SCFD2: variants seen among roughly 807,000 people sequenced by gnomAD.
The protein encoded by SCFD2 is sec1 family domain-containing protein 2.
A neutral mutation model predicts 58.9 loss-of-function variants in SCFD2; 54 were observed. The observed-to-expected ratio is 0.92, with a 90% confidence interval of 0.74 to 1.15. The LOEUF (loss-of-function observed/expected upper bound fraction) is 1.15, where lower values mean the gene tolerates loss of function less well. SCFD2 is among the 50% of genes most tolerant of loss of function. The pLI, the probability that SCFD2 is intolerant of heterozygous loss-of-function variation, is 0.00. For synonymous variants in SCFD2, 321 were observed against 335.9 expected, an observed-to-expected ratio of 0.96 and a Z score of 0.49; for missense variants, 805 against 836.6, an observed-to-expected ratio of 0.96 and a Z score of 0.47.
chr4:53,035,353 A>T (rs1332358549), intron 5 of SCFD2, among the ~76,000 whole-genome samples: 1 of 152,178 alleles, frequency 6.6e-6, no homozygotes, highest in East Asian at 1.9e-4. Context: ...TAAACATAAG[A>T]CCTAGGACCA....
chr4:53,152,481 T>G (rs1317392887), intron 4 of SCFD2, among the ~76,000 whole-genome samples: 2 of 152,226 alleles, frequency 1.3e-5, no homozygotes. Flanking sequence ...AAAACCTGTT[T>G]TGTGACATCC....
At chr4:53,093,927 T>C (rs1724544408) in intron 5 of SCFD2, among the ~76,000 whole-genome samples, 1 of 152,060 alleles carries the variant, frequency 6.6e-6, no homozygotes, top group Non-Finnish European at 1.5e-5. Flanking sequence ...AACTTTTGGA[T>C]TTTGAACTAT....
At chr4:53,255,894 C>T (rs1255161604) in intron 4 of SCFD2, among the ~76,000 whole-genome samples, 1 of 140,666 alleles carries the variant, frequency 7.1e-6, no homozygotes, top group Non-Finnish European at 1.6e-5. Flanking sequence ...CAGAGGGGCT[C>T]CTCACTTCCC....
intron 5 of SCFD2, among the ~76,000 whole-genome samples, chr4:53,048,305 G>A (rs564667471): frequency 1.4e-4 from 22 of 152,192 alleles, no homozygotes; most frequent in African/African-American, 4.3e-4. Context: ...AACCGAGATC[G>A]TGCCACTGCA....
intron 4 of SCFD2, among the ~76,000 whole-genome samples, chr4:53,238,677 C>G (rs1415275833): frequency 2.6e-5 from 4 of 150,972 alleles, no homozygotes; most frequent in African/African-American, 7.3e-5. Context: ...CCTCACCTCC[C>G]AGACGGGGTT....
At chr4:53,261,890 A>C (rs979655513) in intron 4 of SCFD2, among the ~76,000 whole-genome samples, 1 of 152,114 alleles carries the variant, frequency 6.6e-6, no homozygotes, top group Non-Finnish European at 1.5e-5. Context: ...TTGTTTATAA[A>C]TTTGGGAGCT....
intron 5 of SCFD2, among the ~76,000 whole-genome samples, chr4:53,109,931 A>T (rs1333129891): frequency 6.6e-6 from 1 of 151,776 alleles, no homozygotes; most frequent in Non-Finnish European, 1.5e-5. Flanking sequence ...GCCAAAAAAA[A>T]TAAATAAATA....
At position 52,926,367 on chromosome 4, in the gene SCFD2, T is replaced by C. The variant is rs190607610; in HGVS notation, c.1562-5497A>G. On this transcript the variant is annotated intron_variant, in intron 5 of 8. Coordinates refer to ENST00000401642, the MANE Select transcript of SCFD2 (RefSeq NM_152540.4). ...GCTGAAGTAGCCCTTACCTGAGGCC[T>C]TCAAACACACAAATACACACACAGA... Among the ~76,000 whole-genome samples the C allele has an allele frequency of 2.7e-3, 414 of 151,960 alleles. 1 individual carries two copies. The highest frequency in any genetic ancestry group is 8.8e-3 in the South Asian group (42 of 4,768).
intron 4 of SCFD2, among the ~76,000 whole-genome samples, chr4:53,239,622 T>C (rs1351251730): frequency 6.6e-6 from 1 of 152,130 alleles, no homozygotes; most frequent in Non-Finnish European, 1.5e-5. Flanking sequence ...GTAGCTGGGA[T>C]TACAGGCATG....
intron 5 of SCFD2, among the ~76,000 whole-genome samples, chr4:52,960,242 C>A (rs1264804185): frequency 6.6e-6 from 1 of 152,166 alleles, no homozygotes; most frequent in African/African-American, 2.4e-5. Flanking sequence ...GGTAAGGATG[C>A]AAAACCTCCT....
At chr4:53,007,403 A>AAGGAAGGAAGGAAGGGAGGG (rs1271004954) in intron 5 of SCFD2, among the ~76,000 whole-genome samples, 3 of 116,812 alleles carry the variant, frequency 2.6e-5, no homozygotes, top group African/African-American at 1.0e-4. Context: ...GGAAGGAAGG[A>AAGGAAGGAAGGAAGGGAGGG]AGGGAGGGAG....
intron 7 of SCFD2, among the ~76,000 whole-genome samples, chr4:52,890,497 C>T (rs1223478147): frequency 6.6e-6 from 1 of 152,148 alleles, no homozygotes; most frequent in African/African-American, 2.4e-5. Flanking sequence ...TCTTTTCAGC[C>T]TTTTCCATCA....
chr4:53,248,541 G>C (rs1308415584), intron 4 of SCFD2, among the ~76,000 whole-genome samples: 1 of 152,204 alleles, frequency 6.6e-6, no homozygotes, highest in Non-Finnish European at 1.5e-5. Flanking sequence ...GCTTTGAAGA[G>C]AGCAGTGGTT....
At chr4:53,128,049 T>TAAA (rs34739040) in intron 5 of SCFD2, among the ~76,000 whole-genome samples, 3 of 111,380 alleles carry the variant, frequency 2.7e-5, no homozygotes, top group Admixed American at 2.0e-4. Flanking sequence ...GGCCATGTCC[T>TAAA]AAAAAAAAAA....
intron 2 of SCFD2, among the ~76,000 whole-genome samples, chr4:53,334,022 A>C (rs1325398560): frequency 6.6e-6 from 1 of 152,040 alleles, no homozygotes; most frequent in Non-Finnish European, 1.5e-5. Flanking sequence ...ACTGGCCATC[A>C]GAGAAATGCA....
rs1734669714 is a variant in SCFD2, at chr4:53,365,454, A to G, written c.488T>C (p.Val163Ala). The G allele has an allele frequency of 6.2e-7, 1 of 1,614,078 alleles. No individual in the cohort carries two copies. Among genetic ancestry groups the G allele is most frequent in the South Asian group, 1.1e-5 (1 of 91,090 alleles). The change falls in exon 1 of 9, where the codon GTT (valine) becomes GCT (alanine). Residue 163 changes from valine to alanine, a missense_variant. Val to Ala is a moderately conservative substitution (Grantham distance 64, BLOSUM62 0). Coordinates refer to ENST00000401642, the MANE Select transcript of SCFD2 (RefSeq NM_152540.4). This position sits in a 1 kb window ranked among gnomAD's most constrained non-coding sequence, Gnocchi z 4.3. ...VFHVPLLLAP[V>A]APHFALTPAF... Reference sequence around the variant, plus strand: ...TGGAGTCAAGGCAAAGTGGGGAGCAACAGGGGCAAGCAATAACGGGACATG... The same window carrying G: ...TGGAGTCAAGGCAAAGTGGGGAGCAGCAGGGGCAAGCAATAACGGGACATG...
chr4:52,884,985 T>C lies in SCFD2; in HGVS notation c.1962+762A>G, dbSNP rs1161163587. ...TTCCTAAATGAGGAAACTGAGGGCT[T>C]TTCCCTCCCAGATCACCTGATTAGT... On this transcript the variant is annotated intron_variant, in intron 8 of 8. Transcript: ENST00000401642. Among the ~76,000 whole-genome samples, 4 of 152,184 alleles carry C rather than the reference T, an allele frequency of 2.6e-5. No homozygotes were observed. The East Asian group carries it at 7.7e-4, about 29-fold the overall frequency.
intron 4 of SCFD2, among the ~76,000 whole-genome samples, chr4:53,256,659 G>A (rs568320851): frequency 1.1e-4 from 16 of 152,162 alleles, no homozygotes; most frequent in East Asian, 5.8e-4. Flanking sequence ...CGGATCACTC[G>A]CGATTAGGAG....
intron 4 of SCFD2, among the ~76,000 whole-genome samples, chr4:53,250,448 C>A (rs9684264): frequency 0.72 from 109,695 of 151,968 alleles, 39,798 homozygotes; most frequent in Middle Eastern, 0.8. Context: ...GCACCAAGCA[C>A]ACCTAATAGA....
Sources: allele counts gnomAD v4.1 joint callset (sites outside exome capture counted in the v4.1 genomes callset), GRCh38; gene constraint gnomAD v4.1.1; non-coding constraint Gnocchi (gnomAD v3.1); transcripts MANE v1.5; gene names NCBI Gene and HGNC (gene_info 2026-07-23, HGNC 2026-07-21).